ACOT2: variants seen among roughly 807,000 people sequenced by gnomAD.
ACOT2 encodes acyl-coenzyme A thioesterase 2, mitochondrial.
A neutral mutation model predicts 20.1 loss-of-function variants in ACOT2; 15 were observed. That is an observed-to-expected ratio of 0.75 (90% CI 0.50 to 1.15). ACOT2 has a LOEUF of 1.15. ACOT2 is among the 50% of genes most tolerant of loss of function. ACOT2 has a pLI of 0.00. For synonymous variants in ACOT2, 252 were observed against 268.4 expected, an observed-to-expected ratio of 0.94 and a Z score of 0.60; for missense variants, 479 against 615.3, an observed-to-expected ratio of 0.78 and a Z score of 2.34.
intron 1 of ACOT2, among the ~76,000 whole-genome samples, chr14:73,572,307 A>G (rs1889768937): frequency 6.6e-6 from 1 of 151,546 alleles, no homozygotes; most frequent in East Asian, 1.9e-4. Context: ...AACTACAGCT[A>G]CAAGAATCAA....
At position 73,569,843 on chromosome 14, in the gene ACOT2, G is replaced by A. The variant is rs1889681832; in HGVS notation, c.603G>A (p.Val201=). 5 of 1,604,884 alleles carry A rather than the reference G, an allele frequency of 3.1e-6. No individual in the cohort carries two copies. The highest frequency in any genetic ancestry group is 4.3e-6 in the Non-Finnish European group (5 of 1,176,196). ...CGCCCGGGGTGCGGCGCGAGCCGGT[G>A]CGCGTGGGCCGGGTGCGAGGCACGC... ...FLPPGVRREP[V]RVGRVRGTLF... is the part of the protein sequence containing the mutation. The change falls in exon 1 of 3, where the codon GTG becomes GTA. Residue 201 remains valine (V), a synonymous_variant. Transcript: ENST00000238651.
chr14:73,569,118 T>C, upstream of ACOT2: 1 of 1,196,778 alleles, frequency 8.4e-7, no homozygotes, highest in Non-Finnish European at 1.2e-6. Context: ...CAGGAGACTT[T>C]AAGCAAGTTC....
chr14:73,570,458 A>G (rs1162394903), intron 1 of ACOT2, among the ~76,000 whole-genome samples: 1 of 151,846 alleles, frequency 6.6e-6, no homozygotes, highest in African/African-American at 2.4e-5. Context: ...AGTCCCAGCT[A>G]CTCGGGAGGC....
Position 73,573,599 on chromosome 14 carries a change from T to G in ACOT2, c.846+9T>G. 6.2e-7 allele frequency: 1 copy of G among 1,613,636 alleles called. No individual in the cohort carries two copies. Among genetic ancestry groups the G allele is most frequent in the Non-Finnish European group, 8.5e-7 (1 of 1,179,540 alleles). On this transcript the variant is annotated intron_variant, in intron 2 of 2. Transcript: ENST00000238651. ...TGCTCAGTCATCCCGAGGTTAGTTCTTCTTTCAGATTTATGGGCTATGATG... is the reference window on the plus strand; with the variant it reads ...TGCTCAGTCATCCCGAGGTTAGTTCGTCTTTCAGATTTATGGGCTATGATG...
rs777446335 is a variant in ACOT2 at position 73,569,768 on chromosome 14, C to T, written c.528C>T (p.Pro176=). ...TGGAGGTGCTGGATGGCCACGACCC[C>T]GACCCCGGGCGGCTGCTGTGCCAGA... ...VELEVLDGHD[P]DPGRLLCQTR... is the part of the protein sequence containing the mutation. The change falls in exon 1 of 3, where the codon CCC becomes CCT. Residue 176 remains proline, a synonymous_variant. Coordinates refer to ENST00000238651, the MANE Select transcript of ACOT2 (RefSeq NM_006821.6). 3 of 1,607,328 alleles carry T rather than the reference C, an allele frequency of 1.9e-6. No individual in the cohort carries two copies. Among genetic ancestry groups the T allele is most frequent in the South Asian group, 1.1e-5 (1 of 90,676 alleles).
At chr14:73,569,929 TTG>T (rs1223421823) in intron 1 of ACOT2, 46 bp downstream of exon 1, 15 of 1,568,814 alleles carry the variant, frequency 9.6e-6, no homozygotes, top group East Asian at 2.3e-5. Flanking sequence ...GCCTTTCACT[TTG>T]TGTGTCTCCC....
intron 1 of ACOT2, 67 bp downstream of exon 1, chr14:73,569,950 C>T: frequency 1.3e-6 from 2 of 1,516,758 alleles, no homozygotes; most frequent in African/African-American, 1.4e-5. Flanking sequence ...CCCCGCCCCA[C>T]GCTTTTCGCT....
Position 73,569,471 on chromosome 14 carries a change from G to C in ACOT2, c.231G>C (p.Trp77Cys). Residue 77 changes from tryptophan to cysteine, a missense_variant, in exon 1 of 3, where the codon TGG becomes TGC. By Grantham distance (215) the Trp-to-Cys change is radical. Around this residue, in one of 4 missense-constraint regions of ACOT2, gnomAD observed 400 missense variants for 395.5 expected, o/e 1.01. Transcript: ENST00000238651. ...LILEPAGRCC[W>C]DEPVRIAVRG... is the part of the protein sequence containing the mutation. Reference sequence around the variant, plus strand: ...TGGAGCCTGCGGGCCGCTGCTGCTGGGACGAACCGGTGCGAATCGCCGTGC... The same window carrying C: ...TGGAGCCTGCGGGCCGCTGCTGCTGCGACGAACCGGTGCGAATCGCCGTGC... 6.2e-7 allele frequency: 1 copy of C among 1,613,254 alleles called. No individual in the cohort carries two copies. Among genetic ancestry groups the C allele is most frequent in the South Asian group, 1.1e-5 (1 of 91,044 alleles).
chr14:73,569,220 C>T lies in ACOT2; in HGVS notation c.-21C>T. On this transcript the variant is annotated 5_prime_UTR_variant, in exon 1 of 3. Transcript: ENST00000238651. ...AGCTCTGCCCTAGTGGGCGCTTAGCCTGCGACGGCAGCCCGAGAGGATGTC... is the reference window on the plus strand; with the variant it reads ...AGCTCTGCCCTAGTGGGCGCTTAGCTTGCGACGGCAGCCCGAGAGGATGTC... The T allele has an allele frequency of 6.2e-7, 1 of 1,611,954 alleles. No individual in the cohort carries two copies. The highest frequency in any genetic ancestry group is 8.5e-7 in the Non-Finnish European group (1 of 1,178,554).
upstream of ACOT2, chr14:73,568,932 T>A (rs1432774551): frequency 7.2e-6 from 3 of 414,602 alleles, no homozygotes; most frequent in Non-Finnish European, 1.3e-5. Flanking sequence ...AACAAAGTGA[T>A]CAAAACTAAC....
chr14:73,569,522 C>T lies in ACOT2; in HGVS notation c.282C>T (p.Val94=). The T allele has an allele frequency of 6.2e-7, 1 of 1,608,604 alleles. No individual in the cohort carries two copies. Residue 94 remains valine (V), a synonymous_variant, in exon 1 of 3, where the codon GTC becomes GTT. Transcript: ENST00000238651. ...AVRGLAPEQP[V]TLRASLRDEK... is the part of the protein sequence containing the mutation. ...GCGGCCTAGCCCCGGAGCAGCCGGT[C>T]ACGCTGCGCGCGTCCCTGCGCGACG...
rs1180485674 is a variant in ACOT2, at chr14:73,572,656, TTTTTTTTTTGA to T, written c.644-731_644-721del. Reference sequence around the variant, plus strand: ...GTGTTTGCATTTTTTTTTTTTTTTTTTTTTTTTTTGAGACAGTGTCTCGCTCTTTCGCCCAG... The same window carrying T: ...GTGTTTGCATTTTTTTTTTTTTTTTTGACAGTGTCTCGCTCTTTCGCCCAG... On this transcript the variant is annotated intron_variant, in intron 1 of 2. Transcript: ENST00000238651. Among the ~76,000 whole-genome samples the T allele has an allele frequency of 1.3e-4, 17 of 133,182 alleles. 1 individual carries two copies. The highest frequency in any genetic ancestry group is 7.9e-4 in the South Asian group (3 of 3,816). 87.4% of individuals were successfully genotyped at this position (133,182 alleles called of 152,430 possible). A position where few individuals can be genotyped will look rare whatever the true frequency, so the allele number is the denominator to read the frequency against.
In ACOT2 at chr14:73,574,987, G is replaced by A. The variant is rs765817655; in HGVS notation, c.926G>A (p.Gly309Asp). The A allele has an allele frequency of 1.9e-6, 3 of 1,603,146 alleles. No homozygotes were observed. The highest frequency in any genetic ancestry group is 1.7e-6 in the Non-Finnish European group (2 of 1,172,580). The change falls in exon 3 of 3, where the codon GGC becomes GAC. Residue 309 changes from glycine (G) to aspartate (D), a missense_variant. Physicochemically the swap from Gly to Asp is moderately conservative, Grantham distance 94. Around this residue, in one of 4 missense-constraint regions of ACOT2, gnomAD observed 39 missense variants for 108.0 expected, o/e 0.36. Coordinates refer to ENST00000238651, the MANE Select transcript of ACOT2 (RefSeq NM_006821.6). ...LCLSMASFLK[G>D]ITAAVVINGS... ...CTTTCCATGGCCTCTTTCCTGAAGG[G>A]CATCACGGCTGCTGTCGTCATCAAC... is the stretch of plus-strand genomic sequence containing the variant.
chr14:73,571,120 C>T (rs1443866862), intron 1 of ACOT2: 2 of 151,950 alleles, frequency 1.3e-5, no homozygotes, highest in African/African-American at 4.8e-5. Context: ...GCAGCTGCTG[C>T]CCCCTGCAGG....
At chr14:73,572,639 A>ATTT (rs10565980) in intron 1 of ACOT2, among the ~76,000 whole-genome samples, 1 of 107,174 alleles carries the variant, frequency 9.3e-6, no homozygotes, top group Non-Finnish European at 1.9e-5. Context: ...AGGTGTTTGC[A>ATTT]TTTTTTTTTT....
rs1486788923 is a variant in ACOT2, at chr14:73,569,890, C to A, written c.643+7C>A. 8 of 1,601,136 alleles carry A rather than the reference C, an allele frequency of 5.0e-6. 1 individual carries two copies. In the African/African-American group the frequency reaches 1.1e-4, roughly 22 times the overall value. ...ACGCTCTTCCTGCCGCCAGGTGACT[C>A]ACCTCCGCTAATTGTTCCGTGTTCG... On this transcript the variant is annotated splice_region_variant and intron_variant, in intron 1 of 2. Coordinates refer to ENST00000238651, the MANE Select transcript of ACOT2 (RefSeq NM_006821.6).
upstream of ACOT2, chr14:73,567,686 C>G (rs1889630705): frequency 6.6e-6 from 1 of 152,036 alleles, no homozygotes; most frequent in Non-Finnish European, 1.5e-5. Flanking sequence ...ATAAACCTTG[C>G]TACTGCTCCT....
At chr14:73,569,070 AG>A (rs1889652681), upstream of ACOT2, 1 of 826,664 alleles carries the variant, frequency 1.2e-6, no homozygotes, top group South Asian at 1.8e-5. Flanking sequence ...AAGCAAACCT[AG>A]GAAGTAGCTT....
upstream of ACOT2, among the ~76,000 whole-genome samples, chr14:73,568,604 T>G (rs528073931): frequency 1.1e-4 from 16 of 151,802 alleles, no homozygotes; most frequent in South Asian, 3.3e-3. Context: ...GGGACAATAA[T>G]TGAGAAACCA....
Sources: gnomAD v4.1 joint callset for allele counts (sites outside exome capture counted in the v4.1 genomes callset) on GRCh38, gnomAD v4.1.1 for gene constraint, gnomAD v4.1.1 regional missense constraint, MANE v1.5 for transcripts, NCBI Gene and HGNC (gene_info 2026-07-23, HGNC 2026-07-21) for gene names.